ABI3BP: variants seen among roughly 807,000 people sequenced by gnomAD.
The protein encoded by ABI3BP is ABI family member 3 binding protein, also known as target of Nesh-SH3.
Under a neutral mutation model 268.6 loss-of-function variants are expected in ABI3BP, and 216 were observed. The ratio of observed to expected loss-of-function variants is 0.80; its 90% confidence interval spans 0.72 to 0.90. ABI3BP has a LOEUF of 0.90. ABI3BP is among the 40% of genes least tolerant of loss of function. ABI3BP has a pLI of 0.00. For missense variants in ABI3BP, 2,090 were observed against 2,182.4 expected (o/e 0.96, Z 0.84); for synonymous variants, 730 against 730.0 (o/e 1.00, Z 0.00).
intron 1 of ABI3BP, among the ~76,000 whole-genome samples, chr3:100,955,129 G>A (rs2076388643): frequency 1.3e-5 from 2 of 152,044 alleles, no homozygotes; most frequent in East Asian, 1.9e-4. Flanking sequence ...GACAGAAGTG[G>A]AAGTTTTGAT....
intron 14 of ABI3BP, among the ~76,000 whole-genome samples, chr3:100,852,649 G>A (rs4928089): frequency 0.26 from 40,200 of 151,970 alleles, 5,632 homozygotes; most frequent in Middle Eastern, 0.37. Context: ...CTAAAACCAG[G>A]ATTCTCTTTT....
At chr3:100,828,498 T>G in intron 33 of ABI3BP, 46 bp from the exon 34 acceptor site, 1 of 1,471,288 alleles carries the variant, frequency 6.8e-7, no homozygotes, top group South Asian at 1.2e-5. Flanking sequence ...ACATTAAAAA[T>G]TTATAAAAAC....
chr3:100,780,288 A>G, intron 57 of ABI3BP, 79 bp from the exon 58 acceptor site: 2 of 1,350,236 alleles, frequency 1.5e-6, no homozygotes, highest in South Asian at 1.2e-5. Flanking sequence ...GCCAGTAATA[A>G]CGTACATTCT....
intron 26 of ABI3BP, 44 bp from the exon 27 acceptor site, chr3:100,837,215 A>T: frequency 6.7e-7 from 1 of 1,488,314 alleles, no homozygotes; most frequent in Non-Finnish European, 9.0e-7. Context: ...AAAAGCAAGG[A>T]AGTCTAAACT....
intron 2 of ABI3BP, among the ~76,000 whole-genome samples, chr3:100,925,807 A>G (rs568788465): frequency 2.8e-4 from 42 of 152,286 alleles, no homozygotes; most frequent in Admixed American, 9.8e-4. Flanking sequence ...ACATTTTAAC[A>G]TAATTTAAAA....
chr3:100,890,130 C>T (rs1457966895), intron 4 of ABI3BP, among the ~76,000 whole-genome samples: 1 of 152,182 alleles, frequency 6.6e-6, no homozygotes, highest in Non-Finnish European at 1.5e-5. Flanking sequence ...CTTCTACGAA[C>T]TACCCCAGCT....
chr3:100,849,520 G>T (rs186670305), intron 17 of ABI3BP, among the ~76,000 whole-genome samples: 8 of 152,110 alleles, frequency 5.3e-5, no homozygotes, highest in Admixed American at 3.3e-4. Flanking sequence ...CACCACACCC[G>T]GCCCAGAACT....
rs747822094 is a variant in ABI3BP, at chr3:100,847,612, C to A, written c.1638G>T (p.Trp546Cys). The change falls in exon 19 of 68, where the codon TGG (tryptophan) becomes TGT (cysteine). Residue 546 changes from tryptophan (W) to cysteine (C), a missense_variant. Physicochemically the swap from Trp to Cys is radical, Grantham distance 215. Coordinates refer to ENST00000471714, the MANE Select transcript of ABI3BP (RefSeq NM_001375547.2). ...ACATATCATTATTACCCGGTGTTGT[C>A]CATGTAGGTTCAGGGCTTTTAGAAA... ...PKISKSPEPTWTTPAPGKTQF... is the reference protein window; with the variant it reads ...PKISKSPEPTCTTPAPGKTQF... 5.6e-6 allele frequency: 9 copies of A among 1,612,628 alleles called. No individual in the cohort carries two copies. In the South Asian group the frequency reaches 6.6e-5, roughly 12 times the overall value.
At chr3:100,964,173 G>A (rs2080323246) in intron 1 of ABI3BP, among the ~76,000 whole-genome samples, 2 of 152,078 alleles carry the variant, frequency 1.3e-5, no homozygotes, top group Admixed American at 1.3e-4. Context: ...AGGAACTAGG[G>A]TCTAGACATG....
intron 14 of ABI3BP, among the ~76,000 whole-genome samples, chr3:100,854,965 C>T (rs1195040877): frequency 2.6e-5 from 4 of 151,726 alleles, no homozygotes; most frequent in East Asian, 1.9e-4. Context: ...CTTGCTCTGT[C>T]GCCCAGACTG....
At position 100,926,294 on chromosome 3, in the gene ABI3BP, C is replaced by T; in HGVS notation, c.259+8G>A. On this transcript the variant is annotated splice_region_variant and intron_variant, in intron 2 of 67. Coordinates refer to ENST00000471714, the MANE Select transcript of ABI3BP (RefSeq NM_001375547.2). ...TTTCCTTCCCAGCCCGATACCCAAACACCTTACCAACTATAGCTTCTGTGA... is the reference window on the plus strand; with the variant it reads ...TTTCCTTCCCAGCCCGATACCCAAATACCTTACCAACTATAGCTTCTGTGA... 2 of 1,612,884 alleles carry T rather than the reference C, an allele frequency of 1.2e-6. No homozygotes were observed. Among genetic ancestry groups the T allele is most frequent in the Non-Finnish European group, 1.7e-6 (2 of 1,179,188 alleles).
chr3:100,823,443 C>G lies in ABI3BP; in HGVS notation c.2803+15G>C, dbSNP rs1180248528. 3 of 1,525,366 alleles carry G rather than the reference C, an allele frequency of 2.0e-6. No homozygotes were observed. In the African/African-American group the frequency reaches 4.1e-5, roughly 21 times the overall value. The allele number at this position is 1,525,366 out of a possible 1,614,324, so 94.5% of individuals were successfully genotyped here. A position where few individuals can be genotyped will look rare whatever the true frequency, so the allele number is the denominator to read the frequency against. Reference sequence around the variant, plus strand: ...AAGCAAAAGAAGCTTGTCGAAAACACTGTATCAACGTTACCTAATGTTGTT... The same window carrying G: ...AAGCAAAAGAAGCTTGTCGAAAACAGTGTATCAACGTTACCTAATGTTGTT... On this transcript the variant is annotated intron_variant, in intron 37 of 67. Transcript: ENST00000471714.
At chr3:100,822,508 A>T in intron 38 of ABI3BP, 81 bp downstream of exon 38, 1 of 1,270,098 alleles carries the variant, frequency 7.9e-7, no homozygotes, top group Non-Finnish European at 1.1e-6. Flanking sequence ...CCTATTGGTT[A>T]CTCCCAACCA....
intron 2 of ABI3BP, among the ~76,000 whole-genome samples, chr3:100,921,717 A>G (rs1454260630): frequency 6.6e-6 from 1 of 152,214 alleles, no homozygotes; most frequent in African/African-American, 2.4e-5. Context: ...GGCAAAAGGA[A>G]GGTTTTATTT....
At chr3:100,972,673 T>C (rs1180391980) in intron 1 of ABI3BP, among the ~76,000 whole-genome samples, 1 of 152,206 alleles carries the variant, frequency 6.6e-6, no homozygotes, top group Non-Finnish European at 1.5e-5. Flanking sequence ...TTGGATTTCT[T>C]AGCCCCTGGC....
At chr3:100,810,554 T>TA (rs1212960135) in intron 48 of ABI3BP, 77 bp from the exon 49 acceptor site, 4 of 1,011,186 alleles carry the variant, frequency 4.0e-6, no homozygotes, top group Non-Finnish European at 5.7e-6. Context: ...GACAGGATGG[T>TA]AACAAATAGA....
chr3:100,840,620 G>C (rs1046151491), intron 22 of ABI3BP, among the ~76,000 whole-genome samples, 200 bp downstream of exon 22: 2 of 152,018 alleles, frequency 1.3e-5, no homozygotes, highest in African/African-American at 4.8e-5. Flanking sequence ...AATTATGTCA[G>C]GACAGGCAAC....
chr3:100,902,570 TG>T lies in ABI3BP; in HGVS notation c.328+47del. 5.1e-6 allele frequency: 8 copies of T among 1,568,770 alleles called. No individual in the cohort carries two copies. In the Middle Eastern group the frequency reaches 5.0e-4, roughly 99 times the overall value. ...GGGGTCCAAAAGAGATGAAAAGTCA[TG>T]GTTCAAAGTTCATAAAAGAAAAAGA... is the stretch of plus-strand genomic sequence containing the variant. On this transcript the variant is annotated intron_variant, in intron 3 of 67. Transcript: ENST00000471714.
At chr3:100,817,313 TG>T in intron 42 of ABI3BP, 122 bp downstream of exon 42, 1 of 635,142 alleles carries the variant, frequency 1.6e-6, no homozygotes, top group Non-Finnish European at 2.5e-6. Flanking sequence ...AATATAAAGT[TG>T]AAGGATAGCA....
Sources: allele counts gnomAD v4.1 joint callset (sites outside exome capture counted in the v4.1 genomes callset), GRCh38; gene constraint gnomAD v4.1.1; transcripts MANE v1.5; gene names NCBI Gene and HGNC (gene_info 2026-07-23, HGNC 2026-07-21).